The following LRRC2 variants were observed in gnomAD, a reference collection of about 807,000 sequenced individuals.
The protein encoded by LRRC2 is leucine-rich repeat-containing protein 2.
In LRRC2, 27 loss-of-function variants were observed where a neutral mutation model predicts 40.2. The observed-to-expected ratio is 0.67, with a 90% CI of 0.49 to 0.93. LRRC2 has a LOEUF of 0.93. Ranked by LOEUF, LRRC2 falls within the 40% of genes least tolerant of loss-of-function variation. LRRC2 has a pLI of 0.00. For missense variants in LRRC2, 402 were observed against 439.6 expected, an observed-to-expected ratio of 0.91 and a Z score of 0.76; for synonymous variants, 147 against 158.9, an observed-to-expected ratio of 0.92 and a Z score of 0.56.
At chr3:46,550,862 C>G (rs1704630150) in intron 2 of LRRC2, among the ~76,000 whole-genome samples, 3 of 152,202 alleles carry the variant, frequency 2.0e-5, no homozygotes, top group Admixed American at 1.3e-4. Context: ...TCTGGTTTCT[C>G]CACAGGGAAT....
rs560326468 is a variant in LRRC2, at chr3:46,543,234, G to T, written c.333+1812C>A. 3.9e-5 allele frequency among the ~76,000 whole-genome samples: 6 copies of T among 152,186 alleles called. No individual in the cohort carries two copies. The South Asian group carries it at 8.3e-4, about 21-fold the overall frequency. ...CAAAGAGATTGCAAGTTTTGAGGAC[G>T]CCATCCACCTGGTTCACAATGGAGG... On this transcript the variant is annotated intron_variant, in intron 3 of 8. Transcript: ENST00000395905.
chr3:46,562,740 T>C (rs1222942463), intron 1 of LRRC2, among the ~76,000 whole-genome samples: 1 of 151,722 alleles, frequency 6.6e-6, no homozygotes, highest in Middle Eastern at 3.2e-3. Flanking sequence ...TCTTTTTTTT[T>C]TTTTTTGAGA....
At position 46,554,956 on chromosome 3, in the gene LRRC2, C is replaced by G. The variant is rs1305482284; in HGVS notation, c.-19-3346G>C. ...CATCCTAGTAGGTGTGAAGAGGTAT[C>G]TTGTTGTTTTGATTTGCATTTTCCT... is the stretch of plus-strand genomic sequence containing the variant. On this transcript the variant is annotated intron_variant, in intron 1 of 8. Coordinates refer to ENST00000395905, the MANE Select transcript of LRRC2 (RefSeq NM_024512.5). Among the ~76,000 whole-genome samples, 3 of 152,084 alleles carry G rather than the reference C, an allele frequency of 2.0e-5. No individual in the cohort carries two copies. The East Asian group carries it at 5.8e-4, about 29-fold the overall frequency.
chr3:46,520,961 G>A (rs538631775), intron 8 of LRRC2, among the ~76,000 whole-genome samples: 17 of 152,286 alleles, frequency 1.1e-4, no homozygotes, highest in African/African-American at 3.1e-4. Flanking sequence ...AACAGCCGCC[G>A]GAATCTGGCG....
chr3:46,552,116 A>G (rs1432566629), intron 1 of LRRC2, among the ~76,000 whole-genome samples: 2 of 152,192 alleles, frequency 1.3e-5, no homozygotes, highest in Non-Finnish European at 2.9e-5. Flanking sequence ...CTAGATGGTC[A>G]CACTTGTCTC....
At chr3:46,549,852 AC>A (rs1393637507) in intron 2 of LRRC2, among the ~76,000 whole-genome samples, 1 of 152,210 alleles carries the variant, frequency 6.6e-6, no homozygotes, top group Non-Finnish European at 1.5e-5. Context: ...CTGTAGAGTA[AC>A]CCCAGATGCT....
intron 1 of LRRC2, among the ~76,000 whole-genome samples, chr3:46,562,034 C>T (rs1704956244): frequency 6.6e-6 from 1 of 152,208 alleles, no homozygotes; most frequent in Admixed American, 6.5e-5. Context: ...AAGTCTTTCA[C>T]ATTCTTCCCT....
chr3:46,564,931 G>T (rs577368232), intron 1 of LRRC2, among the ~76,000 whole-genome samples: 3 of 152,226 alleles, frequency 2.0e-5, no homozygotes, highest in African/African-American at 7.2e-5. Flanking sequence ...CAACCAAGGA[G>T]CTTTGGTGAC....
chr3:46,554,274 GCCTCC>G (rs776875581), intron 1 of LRRC2, among the ~76,000 whole-genome samples: 56,907 of 151,286 alleles, frequency 0.38, 10,976 homozygotes, highest in East Asian at 0.64. Context: ...ACCCACCTAG[GCCTCC>G]CAAAGTGCTG....
chr3:46,521,487 C>CTAATTTTAAA (rs1703963323), intron 8 of LRRC2, 35 bp downstream of exon 8: 1 of 1,491,810 alleles, frequency 6.7e-7, no homozygotes, highest in East Asian at 2.4e-5. Context: ...CGTCTGTACA[C>CTAATTTTAAA]TAATTTTAAA....
intron 7 of LRRC2, 103 bp downstream of exon 7, chr3:46,527,323 G>A (rs1330127789): frequency 1.1e-5 from 13 of 1,221,202 alleles, no homozygotes; most frequent in Middle Eastern, 2.7e-4. Flanking sequence ...CTCAGAGTAC[G>A]AGAGCCATCT....
chr3:46,543,443 C>T (rs1466252198), intron 3 of LRRC2, among the ~76,000 whole-genome samples: 1 of 151,928 alleles, frequency 6.6e-6, no homozygotes, highest in Non-Finnish European at 1.5e-5. Context: ...GGTGAAAACC[C>T]GTCTCTACTA....
At chr3:46,522,771 AC>A (rs1703988666) in intron 7 of LRRC2, among the ~76,000 whole-genome samples, 2 of 35,234 alleles carry the variant, frequency 5.7e-5, no homozygotes, top group Non-Finnish European at 1.5e-4. Flanking sequence ...ACACACACAC[AC>A]ACACACACAC....
intron 2 of LRRC2, 128 bp downstream of exon 2, chr3:46,551,339 A>T: frequency 8.5e-7 from 1 of 1,174,698 alleles, no homozygotes; most frequent in Non-Finnish European, 1.2e-6. Flanking sequence ...TCTGAAGTTT[A>T]ATGAGGAAAA....
At chr3:46,529,700 T>A (rs973550722) in intron 6 of LRRC2, among the ~76,000 whole-genome samples, 2 of 152,230 alleles carry the variant, frequency 1.3e-5, no homozygotes, top group Non-Finnish European at 2.9e-5. Context: ...GGTGTTCAAA[T>A]GCACGTAAAC....
chr3:46,564,916 T>C (rs1705025623), intron 1 of LRRC2, among the ~76,000 whole-genome samples: 1 of 152,154 alleles, frequency 6.6e-6, no homozygotes, highest in South Asian at 2.1e-4. Context: ...TGGGCAATAA[T>C]ATGACAACCA....
intron 8 of LRRC2, 99 bp from the exon 9 acceptor site, chr3:46,519,162 C>T: frequency 7.5e-6 from 6 of 800,964 alleles, no homozygotes; most frequent in East Asian, 2.4e-5. Flanking sequence ...GTCAATACAC[C>T]CATTATTGTC....
intron 4 of LRRC2, among the ~76,000 whole-genome samples, chr3:46,533,113 T>C (rs1559411546): frequency 6.6e-6 from 1 of 152,210 alleles, no homozygotes. Context: ...TCACAGAGTT[T>C]TTCAGTGTGA....
rs115374708 is a variant in LRRC2 at position 46,519,295 on chromosome 3, T to C, written c.1067-232A>G. Among the ~76,000 whole-genome samples the C allele has an allele frequency of 7.4e-3, 1,132 of 152,332 alleles. 3 individuals carry two copies. The highest frequency in any genetic ancestry group is 0.012 in the Non-Finnish European group (849 of 68,036). On this transcript the variant is annotated intron_variant, in intron 8 of 8. Transcript: ENST00000395905. ...ATGTTTAGATCTAAGAATCGTTAAC[T>C]TTCATTCTTTTGCCATCTTTCCAGC...
Sources: gnomAD v4.1 joint callset for allele counts (sites outside exome capture counted in the v4.1 genomes callset) on GRCh38, gnomAD v4.1.1 for gene constraint, MANE v1.5 for transcripts, NCBI Gene and HGNC (gene_info 2026-07-23, HGNC 2026-07-21) for gene names.